SH3TC1: variants seen among roughly 807,000 people sequenced by gnomAD.
The protein encoded by SH3TC1 is SH3 domain and tetratricopeptide repeats 1.
In SH3TC1, 135 loss-of-function variants were observed where a neutral mutation model predicts 117.3. That is an observed-to-expected ratio of 1.15 (90% confidence interval 1.00 to 1.33). SH3TC1 has a LOEUF of 1.33. Ranked by LOEUF, SH3TC1 falls within the 40% of genes most tolerant of loss-of-function variation. The pLI, the probability that SH3TC1 is intolerant of heterozygous loss-of-function variation, is 0.00. For synonymous variants in SH3TC1, 898 were observed against 816.9 expected (o/e 1.10, Z -1.69); for missense variants, 2,092 against 1,794.3 (o/e 1.17, Z -3.00).
Position 8,225,033 on chromosome 4 carries a change from A to G in SH3TC1, c.1244-142A>G. 9.8e-7 allele frequency: 1 copy of G among 1,023,076 alleles called. No homozygotes were observed. The highest frequency in any genetic ancestry group is 1.5e-5 in the South Asian group (1 of 65,726). 63.4% of individuals were successfully genotyped at this position (1,023,076 alleles called of 1,614,324 possible). A position where few individuals can be genotyped will look rare whatever the true frequency, so the allele number is the denominator to read the frequency against. On this transcript the variant is annotated intron_variant, in intron 10 of 17. Transcript: ENST00000245105. The surrounding 1 kb of genome is among the most constrained non-coding windows in gnomAD (Gnocchi z 5.5). ...ACCCTGCAACACTCCAGCCCGCAACACCAGCACCCTGCAACATCTCAGCCC... is the reference window on the plus strand; with the variant it reads ...ACCCTGCAACACTCCAGCCCGCAACGCCAGCACCCTGCAACATCTCAGCCC...
chr4:8,216,023 G>C (rs1456890372), intron 5 of SH3TC1, 88 bp from the exon 6 acceptor site: 2 of 1,513,250 alleles, frequency 1.3e-6, no homozygotes, highest in Non-Finnish European at 1.8e-6. Context: ...GGTCAGTGCA[G>C]GGCTCAGCCG....
At chr4:8,218,378 G>T in intron 8 of SH3TC1, 31 bp downstream of exon 8, 1 of 1,564,114 alleles carries the variant, frequency 6.4e-7, no homozygotes, top group South Asian at 1.1e-5. Flanking sequence ...CTCTTTTTTG[G>T]GGAAATGTGT....
rs1267213586 is a variant in SH3TC1 at position 8,210,928 on chromosome 4, C to A, written c.247+1106C>A. On this transcript the variant is annotated intron_variant, in intron 3 of 17. Coordinates refer to ENST00000245105, the MANE Select transcript of SH3TC1 (RefSeq NM_018986.5). This position sits in a 1 kb window ranked among gnomAD's most constrained non-coding sequence, Gnocchi z 4.1. The stretch of plus-strand genomic sequence containing the variant: ...TGCTCAAGGGTCCCCTAGCAGAAAA[C>A]TCTCAGGCAGGTGCTTTAAGCTTAT... Among the ~76,000 whole-genome samples, 1 of 151,738 alleles carries A rather than the reference C, an allele frequency of 6.6e-6. No individual in the cohort carries two copies. The highest frequency in any genetic ancestry group is 1.5e-5 in the Non-Finnish European group (1 of 67,966).
At chr4:8,233,550 G>A (rs2152995907) in intron 14 of SH3TC1, 37 bp downstream of exon 14, 1 of 1,561,664 alleles carries the variant, frequency 6.4e-7, no homozygotes. Context: ...CTCTGCACAT[G>A]TTCACTCTCC....
At position 8,225,764 on chromosome 4, in the gene SH3TC1, G is replaced by A. The variant is rs1720400557; in HGVS notation, c.1285+548G>A. ...GCCTGGGGATGTGGACACCCCAAGA[G>A]CCCTCGGAAGTTCCCTGGGAATGGG... On this transcript the variant is annotated intron_variant, in intron 11 of 17. Coordinates refer to ENST00000245105, the MANE Select transcript of SH3TC1 (RefSeq NM_018986.5). The surrounding 1 kb of genome is among the most constrained non-coding windows in gnomAD (Gnocchi z 5.5). Among the ~76,000 whole-genome samples the A allele has an allele frequency of 6.6e-6, 1 of 152,180 alleles. No homozygotes were observed. The highest frequency in any genetic ancestry group is 1.5e-5 in the Non-Finnish European group (1 of 68,028).
At position 8,218,282 on chromosome 4, in the gene SH3TC1, G is replaced by A. The variant is rs1719507853; in HGVS notation, c.851G>A (p.Arg284Lys). The A allele has an allele frequency of 1.2e-6, 2 of 1,610,750 alleles. No homozygotes were observed. Among genetic ancestry groups the A allele is most frequent in the Non-Finnish European group, 1.7e-6 (2 of 1,177,468 alleles). Residue 284 changes from arginine (R) to lysine (K), a missense_variant, in exon 8 of 18, where the codon AGG (arginine) becomes AAG (lysine). Arg to Lys is a conservative substitution (Grantham distance 26). Transcript: ENST00000245105. The stretch of plus-strand genomic sequence containing the variant: ...TCTTCCGGCTCCAGGTGGGCTCTTA[G>A]GATCCCCCAGGACCCCATCGACGAT... ...PLIPFHQWAL[R>K]IPQDPIDDAM...
intron 16 of SH3TC1, 179 bp downstream of exon 16, chr4:8,236,607 C>T (rs903448634): frequency 7.2e-6 from 5 of 691,416 alleles, no homozygotes; most frequent in Non-Finnish European, 1.1e-5. Context: ...GTCCTTCACT[C>T]AGTGCAGAGC....
Position 8,227,613 on chromosome 4 carries a change from G to A in SH3TC1, c.1919G>A (p.Ser640Asn). The A allele has an allele frequency of 6.6e-7, 1 of 1,525,358 alleles. No individual in the cohort carries two copies. The highest frequency in any genetic ancestry group is 8.8e-7 in the Non-Finnish European group (1 of 1,139,728). The allele number at this position is 1,525,358 out of a possible 1,614,324, so 94.5% of individuals were successfully genotyped here. The change falls in exon 12 of 18, where the codon AGC (serine) becomes AAC (asparagine). Residue 640 changes from serine to asparagine, a missense_variant. By Grantham distance (46) the Ser-to-Asn change is conservative (BLOSUM62 1). Transcript: ENST00000245105. ...CTGGGGACGCCTGACCACATCTGCAGCACCGAGGCGGAGGGGGAGCTCCTG... is the reference window on the plus strand; with the variant it reads ...CTGGGGACGCCTGACCACATCTGCAACACCGAGGCGGAGGGGGAGCTCCTG... ...LLLGTPDHICSTEAEGELLQL... is the reference protein window; with the variant it reads ...LLLGTPDHICNTEAEGELLQL...
chr4:8,202,197 C>T (rs1348298824), intron 1 of SH3TC1, among the ~76,000 whole-genome samples: 1 of 152,168 alleles, frequency 6.6e-6, no homozygotes, highest in Admixed American at 6.5e-5. Context: ...GACCGCAGTC[C>T]TGCAGAGCAA....
intron 17 of SH3TC1, among the ~76,000 whole-genome samples, chr4:8,240,195 T>A (rs73079790): frequency 1.8e-3 from 274 of 151,634 alleles, no homozygotes; most frequent in African/African-American, 6.3e-3. Context: ...AAAATGGGAG[T>A]GGATGTCTGG....
At position 8,183,455 on chromosome 4, in the gene SH3TC1, C is replaced by T. The variant is rs77971472; in HGVS notation, c.-57+1245C>T. ...GGGAGGCGTGGCCCAGGGAGGCTCCCGGGCTGGCCTGAGGCCCATGGCAAG... is the reference window on the plus strand; with the variant it reads ...GGGAGGCGTGGCCCAGGGAGGCTCCTGGGCTGGCCTGAGGCCCATGGCAAG... On this transcript the variant is annotated intron_variant, in intron 1 of 16. Coordinates refer to the SH3TC1 transcript ENST00000508641. This position sits in a 1 kb window ranked among gnomAD's most constrained non-coding sequence, Gnocchi z 5.4. Among the ~76,000 whole-genome samples, 6,686 of 152,240 alleles carry T rather than the reference C, an allele frequency of 0.044. 229 individuals are homozygous for T. Among genetic ancestry groups the T allele is most frequent in the East Asian group, 0.12 (626 of 5,166 alleles).
chr4:8,214,973 A>G (rs1719110117), intron 5 of SH3TC1, among the ~76,000 whole-genome samples: 1 of 152,252 alleles, frequency 6.6e-6, no homozygotes, highest in East Asian at 1.9e-4. Context: ...GGCATGAGCC[A>G]TGAATCTGTG....
At chr4:8,228,969 G>A (rs1720860055) in intron 12 of SH3TC1, among the ~76,000 whole-genome samples, 2 of 152,216 alleles carry the variant, frequency 1.3e-5, no homozygotes, top group South Asian at 4.1e-4. Flanking sequence ...AAGCGAGGCA[G>A]GCTCCGCTGA....
intron 5 of SH3TC1, 138 bp from the exon 6 acceptor site, chr4:8,215,973 C>T: frequency 9.1e-7 from 1 of 1,099,312 alleles, no homozygotes; most frequent in Non-Finnish European, 1.3e-6. Flanking sequence ...CTGTGGGCAC[C>T]CCAGGGCAGG....
chr4:8,219,387 G>A lies in SH3TC1; in HGVS notation c.969G>A (p.Glu323=). ...ACTTCCAGGGCTCGGGGCCCGAAGA[G>A]ATGACCTTCCGAGGTGGCGACCTCA... is the stretch of plus-strand genomic sequence containing the variant. ...LADFQGSGPE[E]MTFRGGDLIE... The change falls in exon 9 of 18, where the codon GAG becomes GAA. Residue 323 remains glutamate (E), a synonymous_variant. Coordinates refer to ENST00000245105, the MANE Select transcript of SH3TC1 (RefSeq NM_018986.5). 2.5e-6 allele frequency: 4 copies of A among 1,610,074 alleles called. No individual in the cohort carries two copies. Among genetic ancestry groups the A allele is most frequent in the Non-Finnish European group, 3.4e-6 (4 of 1,177,668 alleles).
At chr4:8,223,037 C>A in intron 10 of SH3TC1, 67 bp downstream of exon 10, 2 of 1,548,348 alleles carry the variant, frequency 1.3e-6, no homozygotes, top group Non-Finnish European at 8.8e-7. Flanking sequence ...CCCCTGCTGC[C>A]CTCGTCCATC....
rs1227501885 is a variant in SH3TC1, at chr4:8,228,062, A to C, written c.2368A>C (p.Thr790Pro). The C allele has an allele frequency of 6.2e-7, 1 of 1,605,438 alleles. No homozygotes were observed. Among genetic ancestry groups the C allele is most frequent in the South Asian group, 1.1e-5 (1 of 90,186 alleles). Residue 790 changes from threonine to proline, a missense_variant, in exon 12 of 18, where the codon ACC becomes CCC. Transcript: ENST00000245105. ...TGQALRGPLY[T>P]SLAQLYSHHG... ...CCAGGCGCTGCGCGGCCCCCTCTAC[A>C]CCAGCTTGGCCCAGCTGTACAGCCA...
intron 16 of SH3TC1, chr4:8,236,985 G>C (rs924793318): frequency 4.2e-5 from 7 of 165,004 alleles, no homozygotes; most frequent in African/African-American, 1.7e-4. Context: ...TTGAATGCAG[G>C]CTCCACAGCA....
chr4:8,236,246 G>C (rs767018202), intron 15 of SH3TC1, 32 bp from the exon 16 acceptor site: 2 of 1,523,882 alleles, frequency 1.3e-6, no homozygotes, highest in South Asian at 2.5e-5. Context: ...TGGGTGCTGC[G>C]GGAAGCCTGA....
Sources: allele counts gnomAD v4.1 joint callset (sites outside exome capture counted in the v4.1 genomes callset), GRCh38; gene constraint gnomAD v4.1.1; non-coding constraint Gnocchi (gnomAD v3.1); transcripts MANE v1.5; gene names NCBI Gene and HGNC (gene_info 2026-07-23, HGNC 2026-07-21).